The following ZCCHC8 variants were observed in gnomAD, a reference collection of about 807,000 sequenced individuals.
ZCCHC8 encodes zinc finger CCHC-type containing 8.
In ZCCHC8, 27 loss-of-function variants were observed where a neutral mutation model predicts 70.6. That is an observed-to-expected ratio of 0.38 (90% CI 0.28 to 0.53). ZCCHC8 has a LOEUF of 0.53. Ranked by LOEUF, ZCCHC8 falls within the 20% of genes least tolerant of loss-of-function variation. ZCCHC8 has a pLI of 0.81. For synonymous variants in ZCCHC8, 293 were observed against 317.4 expected (o/e 0.92, Z 0.82); for missense variants, 737 against 876.9 (o/e 0.84, Z 2.01).
rs150439638 is a variant in ZCCHC8, at chr12:122,496,869, G to A, written c.242+1958C>T. Among the ~76,000 whole-genome samples the A allele has an allele frequency of 3.7e-3, 567 of 152,196 alleles. 5 individuals carry two copies. The highest frequency in any genetic ancestry group is 0.016 in the South Asian group (79 of 4,824). On this transcript the variant is annotated intron_variant, in intron 2 of 13. Coordinates refer to ENST00000633063, the MANE Select transcript of ZCCHC8 (RefSeq NM_017612.5). ...AGGAAGTTAATTTGAAATATTGGCCGGGTGCGGTGGCTCCTGCCTGTAATC... is the reference window on the plus strand; with the variant it reads ...AGGAAGTTAATTTGAAATATTGGCCAGGTGCGGTGGCTCCTGCCTGTAATC...
rs1194796723 is a variant in ZCCHC8 at position 122,500,554 on chromosome 12, G to A, written c.199+88C>T. 2 of 1,412,276 alleles carry A rather than the reference G, an allele frequency of 1.4e-6. No homozygotes were observed. Among genetic ancestry groups the A allele is most frequent in the South Asian group, 1.4e-5 (1 of 70,438 alleles). The allele number at this position is 1,412,276 out of a possible 1,614,324, so 87.5% of individuals were successfully genotyped here. On this transcript the variant is annotated intron_variant, in intron 1 of 13. Coordinates refer to ENST00000633063, the MANE Select transcript of ZCCHC8 (RefSeq NM_017612.5). The surrounding 1 kb of genome is among the most constrained non-coding windows in gnomAD (Gnocchi z 4.8). ...TCCTGGAACTTCCGCCCGCGCCCTC[G>A]CCCTCGCCCGGCGCTGCCCCGGCCC...
At chr12:122,488,311 T>C (rs1357053640) in intron 5 of ZCCHC8, among the ~76,000 whole-genome samples, 1 of 151,846 alleles carries the variant, frequency 6.6e-6, no homozygotes, top group Non-Finnish European at 1.5e-5. Flanking sequence ...GGATTACAGG[T>C]GTGAGCCACT....
At chr12:122,486,140 C>A (rs1473902689) in intron 5 of ZCCHC8, among the ~76,000 whole-genome samples, 1 of 151,968 alleles carries the variant, frequency 6.6e-6, no homozygotes, top group African/African-American at 2.4e-5. Flanking sequence ...CATGGCCAGG[C>A]GTGGTGGCTC....
chr12:122,474,068 T>G lies in ZCCHC8; in HGVS notation c.1553A>C (p.Glu518Ala). Residue 518 changes from glutamate to alanine, a missense_variant, in exon 14 of 14, where the codon GAA (glutamate) becomes GCA (alanine). Glu to Ala is a moderately radical substitution (Grantham distance 107, BLOSUM62 -1). Transcript: ENST00000633063. ...GAVDEDALTLEELEEQQRRIW... is the reference protein window; with the variant it reads ...GAVDEDALTLAELEEQQRRIW... Reference sequence around the variant, plus strand: ...CCGCCTCTGCTGTTCTTCAAGTTCTTCTAGAGTCAGTGCGTCCTCATCCAC... The same window carrying G: ...CCGCCTCTGCTGTTCTTCAAGTTCTGCTAGAGTCAGTGCGTCCTCATCCAC... The G allele has an allele frequency of 6.6e-7, 1 of 1,523,464 alleles. No individual in the cohort carries two copies. The highest frequency in any genetic ancestry group is 1.3e-5 in the South Asian group (1 of 75,008). The allele number at this position is 1,523,464 out of a possible 1,614,324, so 94.4% of individuals were successfully genotyped here. A position where few individuals can be genotyped will look rare whatever the true frequency, so the allele number is the denominator to read the frequency against.
intron 3 of ZCCHC8, among the ~76,000 whole-genome samples, chr12:122,491,226 C>G (rs1350464602): frequency 6.6e-6 from 1 of 152,194 alleles, no homozygotes; most frequent in African/African-American, 2.4e-5. Flanking sequence ...ATGTCTCAGA[C>G]TCAGTTTCCT....
intron 5 of ZCCHC8, among the ~76,000 whole-genome samples, chr12:122,487,484 T>C (rs1395955018): frequency 1.3e-5 from 2 of 152,248 alleles, no homozygotes; most frequent in African/African-American, 4.8e-5. Context: ...TCTCAGTCCC[T>C]ATTTGACTCC....
At position 122,500,641 on chromosome 12, in the gene ZCCHC8, T is replaced by G; in HGVS notation, c.199+1A>C. 1 of 1,567,526 alleles carries G rather than the reference T, an allele frequency of 6.4e-7. No individual in the cohort carries two copies. The highest frequency in any genetic ancestry group is 8.6e-7 in the Non-Finnish European group (1 of 1,158,318). On this transcript the variant is annotated splice_donor_variant, in intron 1 of 13. Coordinates refer to ENST00000633063, the MANE Select transcript of ZCCHC8 (RefSeq NM_017612.5). LOFTEE classifies it high-confidence loss of function. This position sits in a 1 kb window ranked among gnomAD's most constrained non-coding sequence, Gnocchi z 4.8. ...CAGGGCCCAGCGAGAGGAAAGGATATTCTCGGCGCGGAGCTGCTCGATGGT... is the reference window on the plus strand; with the variant it reads ...CAGGGCCCAGCGAGAGGAAAGGATAGTCTCGGCGCGGAGCTGCTCGATGGT...
chr12:122,482,008 T>C lies in ZCCHC8; in HGVS notation c.812A>G (p.Gln271Arg). 6.2e-7 allele frequency: 1 copy of C among 1,613,520 alleles called. No individual in the cohort carries two copies. The highest frequency in any genetic ancestry group is 8.5e-7 in the Non-Finnish European group (1 of 1,179,780). The change falls in exon 9 of 14, where the codon CAG becomes CGG. Residue 271 changes from glutamine (Q) to arginine (R), a missense_variant. Gln to Arg is a conservative substitution (Grantham distance 43). Coordinates refer to ENST00000633063, the MANE Select transcript of ZCCHC8 (RefSeq NM_017612.5). ...TACTTCTTCTGCGTGGTATCGCTGC[T>C]GGAAATTCTGATTGTTTGCTTCTCC... The part of the protein sequence containing the change: ...ACGEANNQNF[Q>R]QRYHAEEVEE...
At chr12:122,495,638 A>C (rs1365724317) in intron 2 of ZCCHC8, among the ~76,000 whole-genome samples, 1 of 152,112 alleles carries the variant, frequency 6.6e-6, no homozygotes, top group Non-Finnish European at 1.5e-5. Context: ...TCATGAGGTC[A>C]GGAGTTCAAG....
At chr12:122,490,614 T>G (rs1307453317) in intron 3 of ZCCHC8, 47 bp from the exon 4 acceptor site, 2 of 1,200,042 alleles carry the variant, frequency 1.7e-6, no homozygotes, top group Non-Finnish European at 2.4e-6. Context: ...AGTAAAACAT[T>G]CAATAGACTG....
chr12:122,477,845 A>G lies in ZCCHC8; in HGVS notation c.1341T>C (p.Asp447=). 1 of 1,611,380 alleles carries G rather than the reference A, an allele frequency of 6.2e-7. No homozygotes were observed. Reference sequence around the variant, plus strand: ...GAGCCATAGGATGAAACCTACCTGAATCGAGCTCCATGTCGGCGGGAGATC... The same window carrying G: ...GAGCCATAGGATGAAACCTACCTGAGTCGAGCTCCATGTCGGCGGGAGATC... ...SAGSPADMEL[D]SDMEVPHGSQ... is the part of the protein sequence containing the mutation. The change falls in exon 13 of 14, where the codon GAT becomes GAC. Residue 447 remains aspartate, a synonymous_variant. Transcript: ENST00000633063.
intron 5 of ZCCHC8, among the ~76,000 whole-genome samples, chr12:122,485,026 C>T (rs1336210128): frequency 1.3e-5 from 2 of 152,206 alleles, no homozygotes; most frequent in Non-Finnish European, 2.9e-5. Flanking sequence ...CAGTCCTCCT[C>T]TCCACTTTCA....
chr12:122,480,372 C>A, intron 10 of ZCCHC8, 61 bp from the exon 11 acceptor site: 2 of 1,394,768 alleles, frequency 1.4e-6, no homozygotes, highest in Non-Finnish European at 1.9e-6. Context: ...CCTCCCCAGA[C>A]CAAAAGTACA....
At position 122,481,886 on chromosome 12, in the gene ZCCHC8, G is replaced by T. The variant is rs1349776857; in HGVS notation, c.875+59C>A. On this transcript the variant is annotated intron_variant, in intron 9 of 13. Coordinates refer to ENST00000633063, the MANE Select transcript of ZCCHC8 (RefSeq NM_017612.5). ...CTGATAATTAGCCCAAAGAGACACAGAACATTCCAAATGCTAGGGAAATAA... is the reference window on the plus strand; with the variant it reads ...CTGATAATTAGCCCAAAGAGACACATAACATTCCAAATGCTAGGGAAATAA... The T allele has an allele frequency of 2.5e-6, 4 of 1,569,300 alleles. No individual in the cohort carries two copies. The East Asian group carries it at 6.8e-5, about 27-fold the overall frequency.
intron 2 of ZCCHC8, among the ~76,000 whole-genome samples, chr12:122,497,434 CG>C (rs1323937757): frequency 6.6e-6 from 1 of 151,784 alleles, no homozygotes; most frequent in African/African-American, 2.4e-5. Flanking sequence ...CCCAGCTATT[CG>C]GGAGGCTGAG....
At chr12:122,481,391 C>CATCA in intron 10 of ZCCHC8, 131 bp downstream of exon 10, 1 of 1,171,416 alleles carries the variant, frequency 8.5e-7, no homozygotes, top group Non-Finnish European at 1.2e-6. Context: ...ACCAAGGAAA[C>CATCA]ATCATCATGA....
At chr12:122,494,583 C>T (rs1241646217) in intron 2 of ZCCHC8, among the ~76,000 whole-genome samples, 2 of 150,078 alleles carry the variant, frequency 1.3e-5, no homozygotes, top group East Asian at 2.0e-4. Context: ...GGGCCAGGCA[C>T]GGTGGCTCAC....
At position 122,480,331 on chromosome 12, in the gene ZCCHC8, G is replaced by T; in HGVS notation, c.1019-20C>A. 6.3e-7 allele frequency: 1 copy of T among 1,590,050 alleles called. No homozygotes were observed. Among genetic ancestry groups the T allele is most frequent in the Non-Finnish European group, 8.6e-7 (1 of 1,167,632 alleles). On this transcript the variant is annotated intron_variant, in intron 10 of 13. Transcript: ENST00000633063. ...TGCCATCTATTACAGACCATAAAAA[G>T]TGTTAATATTGCTAAATGTCAATAT...
rs1032891634 is a variant in ZCCHC8 at position 122,483,912 on chromosome 12, T to C, written c.502-349A>G. The C allele has an allele frequency of 2.2e-5, 4 of 185,212 alleles. No individual in the cohort carries two copies. Among genetic ancestry groups the C allele is most frequent in the Non-Finnish European group, 4.5e-5 (4 of 89,390 alleles). The allele number at this position is 185,212 out of a possible 1,614,324, so 11.5% of individuals were successfully genotyped here. On this transcript the variant is annotated intron_variant, in intron 5 of 13. Coordinates refer to ENST00000633063, the MANE Select transcript of ZCCHC8 (RefSeq NM_017612.5). The surrounding 1 kb of genome is among the most constrained non-coding windows in gnomAD (Gnocchi z 4.4). ...GCAGACCCTTTAGTTATTGTTTCCA[T>C]TTCCTTTCTTCCCATTTACTCTTTT...
Sources: gnomAD v4.1 joint callset for allele counts (sites outside exome capture counted in the v4.1 genomes callset) on GRCh38, gnomAD v4.1.1 for gene constraint, Gnocchi (gnomAD v3.1) non-coding constraint, MANE v1.5 for transcripts, NCBI Gene and HGNC (gene_info 2026-07-23, HGNC 2026-07-21) for gene names.